The following STK38L variants were observed in gnomAD, a reference collection of about 807,000 sequenced individuals.
STK38L encodes the protein serine/threonine-protein kinase 38-like.
Under a neutral mutation model 59.7 loss-of-function variants are expected in STK38L, and 28 were observed. The observed-to-expected ratio is 0.47, with a 90% CI of 0.35 to 0.64. The LOEUF is 0.64. Ranked by LOEUF, STK38L falls within the 30% of genes least tolerant of loss-of-function variation. STK38L has a pLI of 0.01. For synonymous variants in STK38L, 162 were observed against 176.8 expected (o/e 0.92, Z 0.66); for missense variants, 314 against 555.8 (o/e 0.56, Z 4.37).
At chr12:27,260,514 TC>T (rs1174672518) in intron 1 of STK38L, among the ~76,000 whole-genome samples, 2 of 152,184 alleles carry the variant, frequency 1.3e-5, no homozygotes, top group Admixed American at 6.5e-5. Context: ...CTTGCCCCTG[TC>T]ACCTCTCTGA....
At chr12:27,287,485 A>C (rs150813400) in intron 1 of STK38L, among the ~76,000 whole-genome samples, 1 of 152,306 alleles carries the variant, frequency 6.6e-6, no homozygotes, top group Non-Finnish European at 1.5e-5. Context: ...TTTGATATAC[A>C]GTATATACAT....
intron 1 of STK38L, among the ~76,000 whole-genome samples, chr12:27,294,430 C>T (rs1198203508): frequency 6.6e-6 from 1 of 151,100 alleles, no homozygotes; most frequent in Admixed American, 6.6e-5. Flanking sequence ...TTGCTTGAAC[C>T]CAGGAGGTGG....
At position 27,315,320 on chromosome 12, in the gene STK38L, A is replaced by G. The variant is rs1371469083; in HGVS notation, c.807A>G (p.Ala269=). ...AGAACATGAACTCAAAGAGGAAAGC[A>G]GAAACTTGGAAGAAGAACAGGAGAC... The part of the protein sequence containing the change: ...SFQNMNSKRK[A]ETWKKNRRQL... Residue 269 remains alanine, a synonymous_variant, in exon 9 of 14, where the codon GCA becomes GCG. Transcript: ENST00000389032. The G allele has an allele frequency of 6.2e-6, 10 of 1,613,870 alleles. No homozygotes were observed. The highest frequency in any genetic ancestry group is 8.5e-6 in the Non-Finnish European group (10 of 1,179,876).
intron 1 of STK38L, among the ~76,000 whole-genome samples, chr12:27,246,799 C>A (rs898552239): frequency 6.6e-6 from 1 of 152,090 alleles, no homozygotes; most frequent in Non-Finnish European, 1.5e-5. Context: ...TGCTAATTGA[C>A]AGGGTATTAT....
intron 1 of STK38L, among the ~76,000 whole-genome samples, chr12:27,270,186 G>A (rs1285894686): frequency 6.6e-6 from 1 of 152,044 alleles, no homozygotes; most frequent in African/African-American, 2.4e-5. Context: ...TGCAACAATT[G>A]CCTATAAGAG....
chr12:27,304,744 G>A (rs117175689), intron 3 of STK38L, among the ~76,000 whole-genome samples: 310 of 152,144 alleles, frequency 2.0e-3, no homozygotes, highest in Non-Finnish European at 3.2e-3. Flanking sequence ...AATTTGAAGT[G>A]TAGGGGAAGA....
In STK38L at chr12:27,320,816, C is replaced by G. The variant is rs2346054; in HGVS notation, c.1176-1327C>G. On this transcript the variant is annotated intron_variant, in intron 12 of 13. Transcript: ENST00000389032. Reference sequence around the variant, plus strand: ...TTTTTTTTTGAGATGGAGTCTCACTCTGTCGCCCAGGCTGGAGTGCAGTGG... The same window carrying G: ...TTTTTTTTTGAGATGGAGTCTCACTGTGTCGCCCAGGCTGGAGTGCAGTGG... Among the ~76,000 whole-genome samples the G allele has an allele frequency of 4.8e-5, 7 of 145,392 alleles. No homozygotes were observed. The East Asian group carries it at 1.2e-3, about 25-fold the overall frequency.
At chr12:27,305,670 C>G (rs1036300814) in intron 3 of STK38L, among the ~76,000 whole-genome samples, 5 of 152,066 alleles carry the variant, frequency 3.3e-5, no homozygotes, top group African/African-American at 1.2e-4. Context: ...CAAATACTGG[C>G]CACCCTACAG....
chr12:27,286,773 C>T (rs892898428), intron 1 of STK38L, among the ~76,000 whole-genome samples: 8 of 152,208 alleles, frequency 5.3e-5, no homozygotes, highest in African/African-American at 1.9e-4. Flanking sequence ...AGGGTCACAT[C>T]TGTGCCAGCT....
chr12:27,270,052 G>T (rs1354341057), intron 1 of STK38L, among the ~76,000 whole-genome samples: 6 of 152,098 alleles, frequency 3.9e-5, no homozygotes, highest in African/African-American at 1.2e-4. Flanking sequence ...TATTTTCAGT[G>T]TTGTCGCCTG....
intron 1 of STK38L, among the ~76,000 whole-genome samples, chr12:27,282,871 C>T (rs865997237): frequency 1.3e-4 from 20 of 152,164 alleles, no homozygotes; most frequent in African/African-American, 4.3e-4. Flanking sequence ...GTATGCTGAT[C>T]GCTTAGTTTA....
chr12:27,250,874 C>G (rs1942958185), intron 1 of STK38L, among the ~76,000 whole-genome samples: 1 of 151,884 alleles, frequency 6.6e-6, no homozygotes, highest in Non-Finnish European at 1.5e-5. Flanking sequence ...TGGCGGGCAC[C>G]TGTAGTCCCA....
intron 2 of STK38L, among the ~76,000 whole-genome samples, chr12:27,299,807 T>C (rs992415947): frequency 6.6e-6 from 1 of 151,412 alleles, no homozygotes; most frequent in Non-Finnish European, 1.5e-5. Context: ...AAAAAGTCAG[T>C]TCAAAAAGAA....
intron 8 of STK38L, 26 bp downstream of exon 8, chr12:27,315,143 T>C: frequency 6.2e-7 from 1 of 1,600,882 alleles, no homozygotes; most frequent in Non-Finnish European, 8.6e-7. Flanking sequence ...GTTTTTCTTC[T>C]TTCCCCTGGT....
At chr12:27,256,005 T>C (rs887672431) in intron 1 of STK38L, among the ~76,000 whole-genome samples, 2 of 152,236 alleles carry the variant, frequency 1.3e-5, no homozygotes, top group African/African-American at 4.8e-5. Context: ...GTTCTTAAGC[T>C]GTAAACCTGG....
intron 1 of STK38L, among the ~76,000 whole-genome samples, chr12:27,246,172 A>G (rs528682296): frequency 5.3e-5 from 8 of 152,350 alleles, no homozygotes; most frequent in African/African-American, 1.9e-4. Context: ...TGGACTTCCT[A>G]AAAAATGATA....
chr12:27,312,602 G>C lies in STK38L; in HGVS notation c.447G>C (p.Trp149Cys), dbSNP rs1565553392. 8.1e-6 allele frequency: 13 copies of C among 1,613,892 alleles called. No homozygotes were observed. The highest frequency in any genetic ancestry group is 1.3e-5 in the African/African-American group (1 of 74,888). Residue 149 changes from tryptophan (W) to cysteine (C), a missense_variant, in exon 6 of 14, where the codon TGG becomes TGC. Transcript: ENST00000389032. Reference sequence around the variant, plus strand: ...TTTTGGTAGAAGCAGATGGTGCCTGGGTGGTGAAGATGTTTTACAGTTTTC... The same window carrying C: ...TTTTGGTAGAAGCAGATGGTGCCTGCGTGGTGAAGATGTTTTACAGTTTTC... ...RDILVEADGA[W>C]VVKMFYSFQD...
At chr12:27,306,750 C>CACACACACACACACACAT (rs1555141711) in intron 3 of STK38L, among the ~76,000 whole-genome samples, 1 of 147,158 alleles carries the variant, frequency 6.8e-6, no homozygotes, top group Non-Finnish European at 1.5e-5. Context: ...CACACACACA[C>CACACACACACACACACAT]ACATATATTT....
At position 27,317,999 on chromosome 12, in the gene STK38L, A is replaced by C. The variant is rs778767565; in HGVS notation, c.1059A>C (p.Lys353Asn). ...CTCCAGAGGTACCTATATCTGAGAA[A>C]GCCAAGGACTTAATTCTCAGGTTAG... is the stretch of plus-strand genomic sequence containing the variant. ...VFPPEVPISE[K>N]AKDLILRFCI... Residue 353 changes from lysine (K) to asparagine (N), a missense_variant, in exon 11 of 14, where the codon AAA becomes AAC. Lys to Asn is a moderately conservative substitution (Grantham distance 94, BLOSUM62 0). Around this residue, in one of 3 missense-constraint regions of STK38L, gnomAD observed 94 missense variants for 142.2 expected, o/e 0.66. Coordinates refer to ENST00000389032, the MANE Select transcript of STK38L (RefSeq NM_015000.4). 6.2e-7 allele frequency: 1 copy of C among 1,614,026 alleles called. No homozygotes were observed. The highest frequency in any genetic ancestry group is 1.7e-5 in the Admixed American group (1 of 60,006).
Sources: gnomAD v4.1 joint callset for allele counts (sites outside exome capture counted in the v4.1 genomes callset) on GRCh38, gnomAD v4.1.1 for gene constraint, gnomAD v4.1.1 regional missense constraint, MANE v1.5 for transcripts, NCBI Gene and HGNC (gene_info 2026-07-23, HGNC 2026-07-21) for gene names.